Variants in PCCA observed in about 807,000 individuals in gnomAD.
PCCA encodes the protein propionyl-CoA carboxylase subunit alpha.
A neutral mutation model predicts 101.3 loss-of-function variants in PCCA; 74 were observed. The ratio of observed to expected loss-of-function variants is 0.73; its 90% CI spans 0.61 to 0.89. PCCA has a LOEUF of 0.89. Ranked by LOEUF, PCCA falls within the 40% of genes least tolerant of loss-of-function variation. PCCA has a pLI of 0.00. For synonymous variants in PCCA, 294 were observed against 313.6 expected (o/e 0.94, Z 0.66); for missense variants, 891 against 907.0 (o/e 0.98, Z 0.23).
chr13:100,230,633 A>G (rs1312647900), intron 7 of PCCA, among the ~76,000 whole-genome samples: 1 of 151,828 alleles, frequency 6.6e-6, no homozygotes, highest in Non-Finnish European at 1.5e-5. Flanking sequence ...CCTGTCACCC[A>G]GACTACTGCC....
At chr13:100,482,459 G>C (rs967676093) in intron 21 of PCCA, among the ~76,000 whole-genome samples, 1 of 152,228 alleles carries the variant, frequency 6.6e-6, no homozygotes, top group East Asian at 1.9e-4. Flanking sequence ...GATGAGAAGA[G>C]CGCTGTCTTG....
At chr13:100,197,539 G>A (rs1359282715) in intron 6 of PCCA, among the ~76,000 whole-genome samples, 2 of 152,110 alleles carry the variant, frequency 1.3e-5, no homozygotes, top group Non-Finnish European at 2.9e-5. Context: ...CTGTCTCCCA[G>A]GTTCAATAGA....
At chr13:100,465,503 A>G (rs2082448373) in intron 21 of PCCA, among the ~76,000 whole-genome samples, 1 of 152,220 alleles carries the variant, frequency 6.6e-6, no homozygotes, top group Admixed American at 6.5e-5. Flanking sequence ...TTTACTTATC[A>G]TCTGTATAAT....
chr13:100,149,856 C>T (rs2053076491), intron 4 of PCCA, among the ~76,000 whole-genome samples: 1 of 152,146 alleles, frequency 6.6e-6, no homozygotes, highest in South Asian at 2.1e-4. Flanking sequence ...TCACTGAGAC[C>T]ATTGAGTTTT....
chr13:100,330,190 A>G (rs190865186), intron 16 of PCCA, among the ~76,000 whole-genome samples: 94 of 152,338 alleles, frequency 6.2e-4, no homozygotes, highest in Non-Finnish European at 1.2e-3. Flanking sequence ...ATGCTACAGG[A>G]ATAAACAAAC....
chr13:100,393,644 C>T lies in PCCA; in HGVS notation c.1746+25070C>T, dbSNP rs531186147. ...ATGTTGGTCAGGCTGGTCTTGAACT[C>T]TTGATCTCATGATCTGTACACCTCG... On this transcript the variant is annotated intron_variant, in intron 19 of 23. Transcript: ENST00000376285. 7.9e-5 allele frequency among the ~76,000 whole-genome samples: 12 copies of T among 152,166 alleles called. No individual in the cohort carries two copies. The East Asian group carries it at 2.3e-3, about 29-fold the overall frequency.
chr13:100,317,303 C>T (rs745817584), intron 16 of PCCA, among the ~76,000 whole-genome samples: 1 of 152,040 alleles, frequency 6.6e-6, no homozygotes, highest in African/African-American at 2.4e-5. Context: ...TTGCATATTG[C>T]TGGTTTTATT....
chr13:100,438,188 C>T (rs1184663296), intron 20 of PCCA, among the ~76,000 whole-genome samples: 2 of 150,600 alleles, frequency 1.3e-5, no homozygotes, highest in African/African-American at 2.5e-5. Context: ...TAGGGTCTTG[C>T]TCTGTTGCCC....
At chr13:100,099,424 T>G (rs2047073560) in intron 1 of PCCA, among the ~76,000 whole-genome samples, 1 of 151,488 alleles carries the variant, frequency 6.6e-6, no homozygotes, top group Non-Finnish European at 1.5e-5. Context: ...TTCACGCCAT[T>G]CTCCCGCCTC....
chr13:100,127,759 G>T (rs1253105614), intron 4 of PCCA, among the ~76,000 whole-genome samples: 2 of 152,156 alleles, frequency 1.3e-5, no homozygotes, highest in African/African-American at 4.8e-5. Flanking sequence ...GGGCGTGGTG[G>T]TGGGTGCGTG....
intron 6 of PCCA, among the ~76,000 whole-genome samples, chr13:100,194,614 T>A (rs1392596410): frequency 6.6e-6 from 1 of 151,652 alleles, no homozygotes. Flanking sequence ...AGAGACGGGG[T>A]TTCACCATAT....
chr13:100,494,455 A>AGGTGGATCACCTGAGGTC (rs1168390200), intron 21 of PCCA, among the ~76,000 whole-genome samples: 1 of 152,110 alleles, frequency 6.6e-6, no homozygotes, highest in Non-Finnish European at 1.5e-5. Context: ...AGGCCGAGGC[A>AGGTGGATCACCTGAGGTC]GGTGGATCAC....
At chr13:100,216,542 A>G (rs551954874) in intron 7 of PCCA, among the ~76,000 whole-genome samples, 5 of 152,338 alleles carry the variant, frequency 3.3e-5, no homozygotes, top group South Asian at 4.1e-4. Context: ...GCTTAAGTCA[A>G]TGCTCAGTCA....
At chr13:100,517,896 A>G (rs2086952985) in intron 22 of PCCA, among the ~76,000 whole-genome samples, 1 of 152,200 alleles carries the variant, frequency 6.6e-6, no homozygotes, top group Non-Finnish European at 1.5e-5. Flanking sequence ...GTGTAATTAA[A>G]ACACAAGAAG....
At chr13:100,222,723 A>C (rs2059895235) in intron 7 of PCCA, among the ~76,000 whole-genome samples, 4 of 152,208 alleles carry the variant, frequency 2.6e-5, no homozygotes, top group Non-Finnish European at 5.9e-5. Context: ...AAATTAGTCT[A>C]CAGTGTTTTT....
intron 4 of PCCA, among the ~76,000 whole-genome samples, chr13:100,125,419 G>C (rs2049864256): frequency 6.6e-6 from 1 of 152,154 alleles, no homozygotes; most frequent in African/African-American, 2.4e-5. Flanking sequence ...AGCCTCTGGA[G>C]AGTGACTGCA....
At chr13:100,265,569 C>T (rs555396581) in intron 10 of PCCA, among the ~76,000 whole-genome samples, 10 of 152,198 alleles carry the variant, frequency 6.6e-5, no homozygotes, top group South Asian at 2.1e-4. Context: ...CGGACACCTA[C>T]GCCTACACCC....
chr13:100,149,912 C>T (rs2053083394), intron 4 of PCCA, among the ~76,000 whole-genome samples: 1 of 152,196 alleles, frequency 6.6e-6, no homozygotes, highest in African/African-American at 2.4e-5. Context: ...CACTCATATG[C>T]AATCTATTTG....
intron 11 of PCCA, among the ~76,000 whole-genome samples, chr13:100,272,875 C>T (rs932546022): frequency 2.0e-5 from 3 of 151,962 alleles, no homozygotes; most frequent in African/African-American, 7.3e-5. Flanking sequence ...GTTTTTGGCT[C>T]GAAGCAATTC....
Sources: gnomAD v4.1 joint callset for allele counts (sites outside exome capture counted in the v4.1 genomes callset) on GRCh38, gnomAD v4.1.1 for gene constraint, MANE v1.5 for transcripts, NCBI Gene and HGNC (gene_info 2026-07-23, HGNC 2026-07-21) for gene names.